VEPH1: variants seen among roughly 807,000 people sequenced by gnomAD.
VEPH1 encodes the protein ventricular zone expressed PH domain containing 1.
A neutral mutation model predicts 85.2 loss-of-function variants in VEPH1; 80 were observed. That is an observed-to-expected ratio of 0.94 (90% CI 0.78 to 1.13). VEPH1 has a LOEUF of 1.13. Among genes scored for constraint, VEPH1 ranks in the 50% most tolerant of loss-of-function variants. VEPH1 has a pLI of 0.00. For synonymous variants in VEPH1, 297 were observed against 348.0 expected, an observed-to-expected ratio of 0.85 and a Z score of 1.63; for missense variants, 955 against 980.5, an observed-to-expected ratio of 0.97 and a Z score of 0.35.
intron 4 of VEPH1, among the ~76,000 whole-genome samples, chr3:157,448,682 AC>A (rs1343587552): frequency 6.6e-5 from 10 of 152,210 alleles, no homozygotes; most frequent in Non-Finnish European, 1.2e-4. Flanking sequence ...AAGTTTGGAG[AC>A]TTATTCGGGA....
chr3:157,290,808 G>A (rs1055422104), intron 11 of VEPH1, among the ~76,000 whole-genome samples: 2 of 152,118 alleles, frequency 1.3e-5, no homozygotes, highest in African/African-American at 4.8e-5. Context: ...CATTTCTCCG[G>A]TTTTAGAAAA....
chr3:157,459,583 A>C, intron 4 of VEPH1: 2 of 1,163,308 alleles, frequency 1.7e-6, no homozygotes, highest in Non-Finnish European at 2.1e-6. Context: ...TTTTTGATTG[A>C]TCTGAAACCA....
chr3:157,389,628 C>CAGAT (rs3086054), intron 6 of VEPH1, among the ~76,000 whole-genome samples: 1,521 of 144,148 alleles, frequency 0.011, 12 homozygotes, highest in East Asian at 0.017. Context: ...GATAGGTAAG[C>CAGAT]AGATAGATAG....
Position 157,387,221 on chromosome 3 carries a change from C to T in VEPH1, c.907-5845G>A, listed in dbSNP as rs567400276. Among the ~76,000 whole-genome samples the T allele has an allele frequency of 2.6e-5, 4 of 152,152 alleles. No homozygotes were observed. The South Asian group carries it at 6.2e-4, about 24-fold the overall frequency. On this transcript the variant is annotated intron_variant, in intron 6 of 13. Coordinates refer to ENST00000362010, the MANE Select transcript of VEPH1 (RefSeq NM_001167912.2). ...ATTTTGTTTTTTTAATACTACTACT[C>T]CAGTTTCATAAAGGTGCTCTGCTAT... is the stretch of plus-strand genomic sequence containing the variant.
chr3:157,492,280 C>T (rs1739281495), intron 2 of VEPH1, among the ~76,000 whole-genome samples: 3 of 152,172 alleles, frequency 2.0e-5, no homozygotes, highest in African/African-American at 4.8e-5. Context: ...TTGAGAACAG[C>T]ATGAAACACA....
rs117090395 is a variant in VEPH1 at position 157,352,404 on chromosome 3, A to T, written c.1735+10960T>A. Among the ~76,000 whole-genome samples the T allele has an allele frequency of 5.6e-3, 847 of 152,316 alleles. 32 individuals are homozygous for T. Among genetic ancestry groups the T allele is most frequent in the Admixed American group, 0.047 (712 of 15,296 alleles). On this transcript the variant is annotated intron_variant, in intron 9 of 13. Transcript: ENST00000362010. ...GAAATAGATAACTTTCTATTGAGTA[A>T]GGTGAACAAAACTGTTAGAATAGAA...
At position 157,264,435 on chromosome 3, in the gene VEPH1, A is replaced by G. The variant is rs574649755; in HGVS notation, c.2265+1091T>C. On this transcript the variant is annotated intron_variant, in intron 13 of 13. Coordinates refer to ENST00000362010, the MANE Select transcript of VEPH1 (RefSeq NM_001167912.2). Reference sequence around the variant, plus strand: ...CATAATTTCATGAGCCAATTCCCATAGTAAATCTCGTATATGTCTTTATAT... The same window carrying G: ...CATAATTTCATGAGCCAATTCCCATGGTAAATCTCGTATATGTCTTTATAT... 1.1e-4 allele frequency among the ~76,000 whole-genome samples: 16 copies of G among 152,312 alleles called. No individual in the cohort carries two copies. In the East Asian group the frequency reaches 3.1e-3, roughly 29 times the overall value.
rs1031504414 is a variant in VEPH1, at chr3:157,267,352, G to A, written c.2129-1690C>T. ...CCTCAGGTGATCCATCCACCCTGGC[G>A]TCCCAAAGTGCTGGGATTACAGGTG... On this transcript the variant is annotated intron_variant, in intron 12 of 13. Transcript: ENST00000362010. 5.3e-5 allele frequency among the ~76,000 whole-genome samples: 8 copies of A among 151,184 alleles called. No homozygotes were observed. In the East Asian group the frequency reaches 5.9e-4, roughly 11 times the overall value.
intron 9 of VEPH1, among the ~76,000 whole-genome samples, chr3:157,340,822 G>A (rs1215825002): frequency 3.3e-5 from 5 of 152,154 alleles, no homozygotes; most frequent in Non-Finnish European, 7.3e-5. Context: ...CCTCTGAGAC[G>A]AAGCTTCCAG....
At chr3:157,470,136 G>A (rs554381760) in intron 3 of VEPH1, among the ~76,000 whole-genome samples, 178 bp downstream of exon 3, 12 of 152,270 alleles carry the variant, frequency 7.9e-5, no homozygotes, top group Admixed American at 3.9e-4. Flanking sequence ...CGTAGCAGGA[G>A]CTCTACAGAA....
At chr3:157,474,692 G>T (rs1218218192) in intron 2 of VEPH1, among the ~76,000 whole-genome samples, 1 of 152,120 alleles carries the variant, frequency 6.6e-6, no homozygotes, top group Non-Finnish European at 1.5e-5. Context: ...AGAACAGAGG[G>T]CCCTGCCTTA....
At chr3:157,437,507 C>A in intron 4 of VEPH1, 1 of 1,601,858 alleles carries the variant, frequency 6.2e-7, no homozygotes, top group Non-Finnish European at 8.5e-7. Context: ...GTATCCCGTA[C>A]TCTAGCCACG....
intron 3 of VEPH1, among the ~76,000 whole-genome samples, chr3:157,465,840 C>G (rs904650623): frequency 5.9e-5 from 9 of 152,156 alleles, no homozygotes; most frequent in Non-Finnish European, 8.8e-5. Flanking sequence ...CCCCTGTTAC[C>G]CTGCAGGCAG....
chr3:157,381,420 A>T, intron 6 of VEPH1, 44 bp from the exon 7 acceptor site: 6 of 1,599,472 alleles, frequency 3.8e-6, no homozygotes, highest in Non-Finnish European at 5.1e-6. Context: ...TTTAGAAGAA[A>T]ATCATCCAGG....
At chr3:157,463,236 C>G (rs1736044023) in intron 3 of VEPH1, among the ~76,000 whole-genome samples, 1 of 152,224 alleles carries the variant, frequency 6.6e-6, no homozygotes, top group African/African-American at 2.4e-5. Flanking sequence ...TCCTGCAGTT[C>G]CATCCATTTT....
chr3:157,433,584 T>C (rs1050408430), intron 4 of VEPH1, among the ~76,000 whole-genome samples: 1 of 152,226 alleles, frequency 6.6e-6, no homozygotes, highest in Non-Finnish European at 1.5e-5. Context: ...TTTATGCACA[T>C]TGCTGTGCAT....
intron 5 of VEPH1, among the ~76,000 whole-genome samples, chr3:157,418,166 G>T (rs949718027): frequency 6.6e-6 from 1 of 152,122 alleles, no homozygotes; most frequent in Non-Finnish European, 1.5e-5. Flanking sequence ...GAGTTTAGTG[G>T]GCAAAGGAGT....
chr3:157,282,896 G>T (rs2108353410), intron 12 of VEPH1, among the ~76,000 whole-genome samples: 2 of 152,266 alleles, frequency 1.3e-5, no homozygotes, highest in Middle Eastern at 3.4e-3. Context: ...ACACCACCAG[G>T]CAAGTCTCTG....
intron 9 of VEPH1, among the ~76,000 whole-genome samples, chr3:157,346,499 A>T (rs1391339606): frequency 6.6e-6 from 1 of 152,236 alleles, no homozygotes; most frequent in Non-Finnish European, 1.5e-5. Context: ...AAGGAATTTT[A>T]ATTTATATTA....
Sources: allele counts gnomAD v4.1 joint callset (sites outside exome capture counted in the v4.1 genomes callset), GRCh38; gene constraint gnomAD v4.1.1; transcripts MANE v1.5; gene names NCBI Gene and HGNC (gene_info 2026-07-23, HGNC 2026-07-21).